SETX: variants seen among roughly 807,000 people sequenced by gnomAD.
SETX encodes the protein helicase senataxin.
A neutral mutation model predicts 227.2 loss-of-function variants in SETX; 90 were observed. That is an observed-to-expected ratio of 0.40 (90% CI 0.33 to 0.47). The LOEUF (loss-of-function observed/expected upper bound fraction) is 0.47. SETX is among the 20% of genes least tolerant of loss of function. The pLI, the probability that SETX is intolerant of heterozygous loss-of-function variation, is 0.91. For missense variants in SETX, 3,052 were observed against 3,181.5 expected (o/e 0.96, Z 0.98); for synonymous variants, 1,210 against 1,113.2 (o/e 1.09, Z -1.73).
intron 23 of SETX, among the ~76,000 whole-genome samples, chr9:132,274,687 C>T (rs1843070307): frequency 6.6e-6 from 1 of 152,014 alleles, no homozygotes; most frequent in Non-Finnish European, 1.5e-5. Flanking sequence ...CTCAGGTGAT[C>T]TGCCCGCCTC....
In SETX at chr9:132,326,490, T is replaced by A; in HGVS notation, c.5108A>T (p.Lys1703Ile). The stretch of plus-strand genomic sequence containing the variant: ...TTCATATTTCCATTTTAAGACCTCT[T>A]TAACGAAGGTGTCAGAGACAGACTG... ...SSQSVSDTFVKEVLKWKYEMF... is the reference protein window; with the variant it reads ...SSQSVSDTFVIEVLKWKYEMF... The change falls in exon 10 of 26, where the codon AAA becomes ATA. Residue 1703 changes from lysine to isoleucine, a missense_variant. By Grantham distance (102) the Lys-to-Ile change is moderately radical. Around this residue, in one of 10 missense-constraint regions of SETX, gnomAD observed 1,483 missense variants for 1,312.0 expected, o/e 1.13. Coordinates refer to ENST00000224140, the MANE Select transcript of SETX (RefSeq NM_015046.7). 1.2e-6 allele frequency: 2 copies of A among 1,614,198 alleles called. No individual in the cohort carries two copies. The highest frequency in any genetic ancestry group is 2.2e-5 in the South Asian group (2 of 91,082).
chr9:132,271,704 A>C lies in SETX; in HGVS notation c.7199+6T>G, dbSNP rs772320581. On this transcript the variant is annotated splice_donor_region_variant and intron_variant, in intron 24 of 25. Coordinates refer to ENST00000224140, the MANE Select transcript of SETX (RefSeq NM_015046.7). ...GTATAAAAGAGCAACAATGACAGTA[A>C]CTCACCCAATTGAACCTTGGATGCT... 3 of 1,607,190 alleles carry C rather than the reference A, an allele frequency of 1.9e-6. No homozygotes were observed.
intron 17 of SETX, among the ~76,000 whole-genome samples, chr9:132,287,875 T>C (rs964269520): frequency 5.3e-5 from 8 of 152,100 alleles, no homozygotes; most frequent in Admixed American, 4.6e-4. Flanking sequence ...TAAAGGGCAT[T>C]AAATACTCAT....
In SETX at chr9:132,310,423, G is replaced by A. The variant is rs549350807; in HGVS notation, c.5374+1334C>T. 5.3e-5 allele frequency among the ~76,000 whole-genome samples: 8 copies of A among 152,310 alleles called. No homozygotes were observed. In the South Asian group the frequency reaches 1.2e-3, roughly 24 times the overall value. On this transcript the variant is annotated intron_variant, in intron 11 of 25. Coordinates refer to ENST00000224140, the MANE Select transcript of SETX (RefSeq NM_015046.7). ...TATAAACTTAACAAAAATGCATTCA[G>A]AAGAACACTAAGAGATACATGGGTG...
intron 4 of SETX, among the ~76,000 whole-genome samples, chr9:132,344,415 G>A (rs2131548800): frequency 6.6e-6 from 1 of 152,262 alleles, no homozygotes; most frequent in Admixed American, 6.5e-5. Flanking sequence ...GAGGGAGGGT[G>A]TTGCTACACT....
At chr9:132,335,390 CAAAAAAAAAAAAAAA>C (rs1157691529) in intron 6 of SETX, among the ~76,000 whole-genome samples, 6 of 52,022 alleles carry the variant, frequency 1.2e-4, no homozygotes, top group South Asian at 2.4e-3. Flanking sequence ...GACTCCGTCT[CAAAAAAAAAAAAAAA>C]AAAAAAAAAA....
chr9:132,287,841 T>C (rs1321252347), intron 17 of SETX, among the ~76,000 whole-genome samples: 2 of 151,128 alleles, frequency 1.3e-5, no homozygotes, highest in Non-Finnish European at 2.9e-5. Context: ...TTTTTATACA[T>C]GAATCATGCC....
intron 5 of SETX, among the ~76,000 whole-genome samples, chr9:132,338,475 C>T (rs1476742388): frequency 6.6e-6 from 1 of 152,076 alleles, no homozygotes; most frequent in Non-Finnish European, 1.5e-5. Context: ...TGAAATGTTC[C>T]AGATTAAAGA....
intron 25 of SETX, among the ~76,000 whole-genome samples, chr9:132,266,505 C>T (rs1842659101): frequency 6.6e-6 from 1 of 152,174 alleles, no homozygotes; most frequent in Admixed American, 6.5e-5. Context: ...GGTGCAGTGG[C>T]TCATGCCTGT....
chr9:132,280,203 C>G (rs1484336671), intron 20 of SETX, among the ~76,000 whole-genome samples: 2 of 152,158 alleles, frequency 1.3e-5, no homozygotes, highest in Non-Finnish European at 2.9e-5. Flanking sequence ...TCAAAAAAGG[C>G]ACCTTATGGA....
chr9:132,286,055 C>T (rs1209886817), intron 18 of SETX, among the ~76,000 whole-genome samples: 2 of 151,280 alleles, frequency 1.3e-5, no homozygotes, highest in African/African-American at 2.4e-5. Context: ...TGGTGGCACA[C>T]GCCTGTAATC....
chr9:132,312,340 C>T (rs1845713028), intron 10 of SETX, among the ~76,000 whole-genome samples: 1 of 152,182 alleles, frequency 6.6e-6, no homozygotes. Flanking sequence ...ATCTCCCAGT[C>T]TGTCAAAGCT....
chr9:132,303,624 T>C (rs1845156527), intron 11 of SETX, among the ~76,000 whole-genome samples: 1 of 151,818 alleles, frequency 6.6e-6, no homozygotes, highest in Non-Finnish European at 1.5e-5. Flanking sequence ...ATATAATAAA[T>C]AACTTGTCTC....
rs187011697 is a variant in SETX at position 132,327,561 on chromosome 9, T to G, written c.4037A>C (p.Gln1346Pro). ...VRNNKKLLTS[Q>P]ELQMQRQIRP... ...GATCTGCCTTTGCATCTGAAGTTCT[T>G]GACTAGTCAGAAGTTTCTTATTATT... is the stretch of plus-strand genomic sequence containing the variant. The change falls in exon 10 of 26, where the codon CAA becomes CCA. Residue 1346 changes from glutamine to proline, a missense_variant. Gln to Pro is a moderately conservative substitution (Grantham distance 76). Transcript: ENST00000224140. 51 of 1,614,142 alleles carry G rather than the reference T, an allele frequency of 3.2e-5. No individual in the cohort carries two copies. The highest frequency in any genetic ancestry group is 4.2e-5 in the Non-Finnish European group (50 of 1,180,040).
At chr9:132,299,068 C>A (rs1844839470) in intron 12 of SETX, among the ~76,000 whole-genome samples, 1 of 152,156 alleles carries the variant, frequency 6.6e-6, no homozygotes, top group African/African-American at 2.4e-5. Context: ...CCAGGAGGCA[C>A]TAGTAGACGT....
chr9:132,344,692 T>C (rs7024857), intron 4 of SETX, among the ~76,000 whole-genome samples: 20,032 of 151,968 alleles, frequency 0.13, 1,955 homozygotes, highest in East Asian at 0.42. Context: ...CTGGCCAACA[T>C]GGCAAAACCT....
In SETX at chr9:132,328,427, C is replaced by T. The variant is rs1382399705; in HGVS notation, c.3171G>A (p.Glu1057=). Residue 1057 remains glutamate (E), a synonymous_variant, in exon 10 of 26, where the codon GAG becomes GAA. Coordinates refer to ENST00000224140, the MANE Select transcript of SETX (RefSeq NM_015046.7). ...EQHVSTVNSK[E]EKNPVKEEKT... The stretch of plus-strand genomic sequence containing the variant: ...TTTCTTCCTTTACTGGATTCTTTTC[C>T]TCCTTACTATTAACTGTTGAAACGT... The T allele has an allele frequency of 6.2e-7, 1 of 1,613,850 alleles. No individual in the cohort carries two copies. Among genetic ancestry groups the T allele is most frequent in the Non-Finnish European group, 8.5e-7 (1 of 1,179,980 alleles).
rs193223204 is a variant in SETX at position 132,315,092 on chromosome 9, T to C, written c.5275-3236A>G. Among the ~76,000 whole-genome samples the C allele has an allele frequency of 2.5e-3, 378 of 152,094 alleles. 1 individual carries two copies. Among genetic ancestry groups the C allele is most frequent in the Non-Finnish European group, 4.2e-3 (285 of 67,964 alleles). On this transcript the variant is annotated intron_variant, in intron 10 of 25. Transcript: ENST00000224140. Reference sequence around the variant, plus strand: ...CACGCCCGGCTAATTTTTGTATTTTTAGTAGAGACAGGGTTTCACCAAAGT... The same window carrying C: ...CACGCCCGGCTAATTTTTGTATTTTCAGTAGAGACAGGGTTTCACCAAAGT...
intron 25 of SETX, among the ~76,000 whole-genome samples, chr9:132,265,224 G>GC: frequency 9.4e-6 from 1 of 106,434 alleles, no homozygotes; most frequent in African/African-American, 3.8e-5. Context: ...TTCAACTTTT[G>GC]TTTTTTTTTT....
Sources: gnomAD v4.1 joint callset for allele counts (sites outside exome capture counted in the v4.1 genomes callset) on GRCh38, gnomAD v4.1.1 for gene constraint, gnomAD v4.1.1 regional missense constraint, MANE v1.5 for transcripts, NCBI Gene and HGNC (gene_info 2026-07-23, HGNC 2026-07-21) for gene names.